The following GPI variants were observed in gnomAD, a reference collection of about 807,000 sequenced individuals.
GPI encodes the protein D-hexose-6-phosphate anomerase.
GPI carries 56 observed loss-of-function variants against 75.8 expected under a neutral mutation model. That is an observed-to-expected ratio of 0.74 (90% CI 0.60 to 0.92). The LOEUF is 0.92. Among genes scored for constraint, GPI ranks in the 40% least tolerant of loss-of-function variants. The pLI is 0.00. For missense variants in GPI, 638 were observed against 741.0 expected (o/e 0.86, Z 1.61); for synonymous variants, 288 against 285.4 (o/e 1.01, Z -0.09).
At position 34,393,611 on chromosome 19, in the gene GPI, C is replaced by G; in HGVS notation, c.866-117C>G. 1 of 1,002,500 alleles carries G rather than the reference C, an allele frequency of 1.0e-6. No individual in the cohort carries two copies. The allele number at this position is 1,002,500 out of a possible 1,614,324, so 62.1% of individuals were successfully genotyped here. A position where few individuals can be genotyped will look rare whatever the true frequency, so the allele number is the denominator to read the frequency against. On this transcript the variant is annotated intron_variant, in intron 10 of 17. Transcript: ENST00000356487. This position sits in a 1 kb window ranked among gnomAD's most constrained non-coding sequence, Gnocchi z 4.4. ...GGGCTTTGTCTAGGTCCGAGTCCTC[C>G]CATGTCGTATCTTCTGGCTCTCCAT...
rs146919159 is a variant in GPI at position 34,400,193 on chromosome 19, G to C, written c.*157G>C. The stretch of plus-strand genomic sequence containing the variant: ...TAGCAGGGAAGGCTGGTCTCCCCCA[G>C]CCTAACCCCCAGCCCCTCCATGTCT... On this transcript the variant is annotated 3_prime_UTR_variant, in exon 18 of 18. Transcript: ENST00000356487. The C allele has an allele frequency of 5.3e-6, 4 of 760,832 alleles. No homozygotes were observed. The highest frequency in any genetic ancestry group is 5.1e-5 in the East Asian group (2 of 38,990). The allele number at this position is 760,832 out of a possible 1,614,324, so 47.1% of individuals were successfully genotyped here.
At chr19:34,376,385 A>G (rs1300994099) in intron 4 of GPI, among the ~76,000 whole-genome samples, 1 of 151,838 alleles carries the variant, frequency 6.6e-6, no homozygotes, top group African/African-American at 2.4e-5. Context: ...GCGAAACCCC[A>G]TCTCTACTGG....
chr19:34,384,948 C>T (rs2145387563), intron 9 of GPI, among the ~76,000 whole-genome samples: 1 of 151,042 alleles, frequency 6.6e-6, no homozygotes, highest in Middle Eastern at 3.4e-3. Flanking sequence ...GAGGCTGAGG[C>T]ACCAGAATTG....
chr19:34,369,958 A>T (rs901385181), intron 4 of GPI, among the ~76,000 whole-genome samples: 1 of 152,194 alleles, frequency 6.6e-6, no homozygotes, highest in Non-Finnish European at 1.5e-5. Flanking sequence ...TTTTCCTGTG[A>T]AGTCTTCCAG....
intron 9 of GPI, among the ~76,000 whole-genome samples, chr19:34,389,083 C>A (rs1302621223): frequency 6.6e-6 from 1 of 152,002 alleles, no homozygotes; most frequent in East Asian, 1.9e-4. Flanking sequence ...CAGAGCAAGA[C>A]CCTGTCTCTT....
chr19:34,389,396 C>T (rs748319222), intron 9 of GPI, among the ~76,000 whole-genome samples: 3 of 152,220 alleles, frequency 2.0e-5, no homozygotes, highest in Non-Finnish European at 4.4e-5. Flanking sequence ...CCGTGCCTCT[C>T]AGCTTCCACC....
Position 34,393,433 on chromosome 19 carries a change from G to A in GPI, c.865+125G>A, listed in dbSNP as rs369964050. 5.6e-5 allele frequency: 48 copies of A among 856,154 alleles called. 1 individual carries two copies. In the Middle Eastern group the frequency reaches 1.1e-3, roughly 19 times the overall value. 53.0% of individuals were successfully genotyped at this position (856,154 alleles called of 1,614,324 possible). A position where few individuals can be genotyped will look rare whatever the true frequency, so the allele number is the denominator to read the frequency against. ...CAGGCTGCTGGCCTCTCTGCAGCTG[G>A]CTGGGATATTTATTTCATGTCCAGA... On this transcript the variant is annotated intron_variant, in intron 10 of 17. Coordinates refer to ENST00000356487, the MANE Select transcript of GPI (RefSeq NM_000175.5). This position sits in a 1 kb window ranked among gnomAD's most constrained non-coding sequence, Gnocchi z 4.4.
rs1381287708 is a variant in GPI, at chr19:34,381,656, T to G, written c.804+137T>G. 5.2e-6 allele frequency: 4 copies of G among 775,018 alleles called. No individual in the cohort carries two copies. In the African/African-American group the frequency reaches 6.8e-5, roughly 13 times the overall value. 48.0% of individuals were successfully genotyped at this position (775,018 alleles called of 1,614,324 possible). ...AGCTTGGGGAAAGGTAGAGAGGCCC[T>G]CAGAGAGGCTTGGAGGGCAAGAGCA... is the stretch of plus-strand genomic sequence containing the variant. On this transcript the variant is annotated intron_variant, in intron 9 of 17. Coordinates refer to ENST00000356487, the MANE Select transcript of GPI (RefSeq NM_000175.5).
chr19:34,379,418 A>C, intron 7 of GPI, 100 bp from the exon 8 acceptor site: 1 of 1,018,252 alleles, frequency 9.8e-7, no homozygotes. Context: ...AGGACTGGGA[A>C]TCTCAGTCCC....
At chr19:34,380,118 T>C (rs1237264584) in intron 8 of GPI, among the ~76,000 whole-genome samples, 1 of 147,996 alleles carries the variant, frequency 6.8e-6, no homozygotes, top group Non-Finnish European at 1.5e-5. Flanking sequence ...TGCCTTAGCC[T>C]CCCGAGTAGC....
At position 34,399,322 on chromosome 19, in the gene GPI, TG is replaced by T. The variant is rs2074988756; in HGVS notation, c.1386del (p.Leu463CysfsTer63). ...AAGAGTCCAGAGGACCTTGAGAGGC[TG>T]CTGCCACATAAGGTCAGCACTTCTG... ...AGKSPEDLER[L>X]LPHKVFEGNR... On this transcript the variant is annotated frameshift_variant, in exon 15 of 18. Coordinates refer to ENST00000356487, the MANE Select transcript of GPI (RefSeq NM_000175.5). LOFTEE classifies it high-confidence loss of function. 3.7e-6 allele frequency: 6 copies of T among 1,614,158 alleles called. No homozygotes were observed. Among genetic ancestry groups the T allele is most frequent in the Non-Finnish European group, 5.1e-6 (6 of 1,180,032 alleles).
At chr19:34,366,955 T>C in intron 3 of GPI, 104 bp downstream of exon 3, 1 of 913,492 alleles carries the variant, frequency 1.1e-6, no homozygotes, top group Non-Finnish European at 1.8e-6. Flanking sequence ...TCTTGGGCAA[T>C]GCTTTTGCTT....
chr19:34,373,417 C>T (rs1187319174), intron 4 of GPI, among the ~76,000 whole-genome samples: 4 of 147,846 alleles, frequency 2.7e-5, no homozygotes. Flanking sequence ...TATAACTGGG[C>T]ATGGTGGTGC....
rs772183365 is a variant in GPI at position 34,377,574 on chromosome 19, C to T, written c.474C>T (p.Gly158=). 24 of 1,611,836 alleles carry T rather than the reference C, an allele frequency of 1.5e-5. No individual in the cohort carries two copies. In the East Asian group the frequency reaches 2.0e-4, roughly 13 times the overall value. ...TITDVINIGI[G]GSDLGPLMVT... ...CGGACGTCATCAACATTGGCATTGGCGGCTCCGACCTGGTGAGGAGAAAAC... is the reference window on the plus strand; with the variant it reads ...CGGACGTCATCAACATTGGCATTGGTGGCTCCGACCTGGTGAGGAGAAAAC... Residue 158 remains glycine, a synonymous_variant, in exon 5 of 18, where the codon GGC becomes GGT. Coordinates refer to ENST00000356487, the MANE Select transcript of GPI (RefSeq NM_000175.5).
At chr19:34,379,838 A>G in intron 8 of GPI, 1 of 585,094 alleles carries the variant, frequency 1.7e-6, no homozygotes, top group South Asian at 2.0e-5. Flanking sequence ...AACCCTTCAT[A>G]CACATGACCT....
At position 34,368,579 on chromosome 19, in the gene GPI, C is replaced by T. The variant is rs1427983505; in HGVS notation, c.283-4C>T. 6.2e-7 allele frequency: 1 copy of T among 1,614,036 alleles called. No homozygotes were observed. Among genetic ancestry groups the T allele is most frequent in the Non-Finnish European group, 8.5e-7 (1 of 1,180,028 alleles). On this transcript the variant is annotated splice_polypyrimidine_tract_variant and splice_region_variant and intron_variant, in intron 3 of 17. Coordinates refer to ENST00000356487, the MANE Select transcript of GPI (RefSeq NM_000175.5). ...AGTCTTTATATCCTGACCGTAATCC[C>T]CAGGGTCGAGCCGTGCTGCACGTGG... is the stretch of plus-strand genomic sequence containing the variant.
Position 34,366,342 on chromosome 19 carries a change from C to T in GPI, c.123-3C>T, listed in dbSNP as rs767146847. 8.8e-6 allele frequency: 14 copies of T among 1,597,458 alleles called. No homozygotes were observed. The African/African-American group carries it at 1.9e-4, about 21-fold the overall frequency. On this transcript the variant is annotated splice_polypyrimidine_tract_variant and splice_region_variant and intron_variant, in intron 1 of 17. Coordinates refer to ENST00000356487, the MANE Select transcript of GPI (RefSeq NM_000175.5). ...GGTCAGCAGCATCTCCATCTTTCTG[C>T]AGCTTGACCCTCAACACCAACCATG...
At chr19:34,365,013 G>C (rs1441003538), upstream of GPI, 4 of 1,532,738 alleles carry the variant, frequency 2.6e-6, no homozygotes, top group East Asian at 2.5e-5. Flanking sequence ...AAGCGGCGGC[G>C]CAAGAGGTAG....
At chr19:34,390,282 A>G (rs2074801826) in intron 9 of GPI, among the ~76,000 whole-genome samples, 1 of 144,928 alleles carries the variant, frequency 6.9e-6, no homozygotes, top group African/African-American at 2.6e-5. Flanking sequence ...GCTGGGGAAC[A>G]GAAATGTAGC....
Sources: gnomAD v4.1 joint callset for allele counts (sites outside exome capture counted in the v4.1 genomes callset) on GRCh38, gnomAD v4.1.1 for gene constraint, Gnocchi (gnomAD v3.1) non-coding constraint, MANE v1.5 for transcripts, NCBI Gene and HGNC (gene_info 2026-07-23, HGNC 2026-07-21) for gene names.